Variants in JAKMIP3 observed in about 807,000 individuals in gnomAD.
The protein encoded by JAKMIP3 is janus kinase and microtubule-interacting protein 3.
JAKMIP3 carries 58 observed loss-of-function variants against 118.5 expected under a neutral mutation model. The observed-to-expected ratio is 0.49, with a 90% CI of 0.40 to 0.61. The LOEUF is 0.61. Among genes scored for constraint, JAKMIP3 ranks in the 20% least tolerant of loss-of-function variants. The pLI, the probability that JAKMIP3 is intolerant of heterozygous loss-of-function variation, is 0.00. For missense variants in JAKMIP3, 950 were observed against 1,109.0 expected (o/e 0.86, Z 2.04); for synonymous variants, 486 against 451.2 (o/e 1.08, Z -0.98).
In JAKMIP3 at chr10:132,044,245, GAC is replaced by G. The variant is rs2037843751; in HGVS notation, c.-138+7510_-138+7511del. On this transcript the variant is annotated intron_variant, in intron 1 of 23. Coordinates refer to the JAKMIP3 transcript ENST00000657785. This position sits in a 1 kb window ranked among gnomAD's most constrained non-coding sequence, Gnocchi z 5.3. ...CAGTGCCCTTAGCAAACATTTCCTA[GAC>G]ACGTCTCCTGGTCCAGGCATCGTGG... 6.6e-6 allele frequency among the ~76,000 whole-genome samples: 1 copy of G among 152,190 alleles called. No homozygotes were observed. Among genetic ancestry groups the G allele is most frequent in the Non-Finnish European group, 1.5e-5 (1 of 68,038 alleles).
At chr10:132,172,443 T>C (rs942716706) in intron 23 of JAKMIP3, among the ~76,000 whole-genome samples, 9 of 152,178 alleles carry the variant, frequency 5.9e-5, no homozygotes, top group Middle Eastern at 3.4e-3. Flanking sequence ...TCTGTGAACG[T>C]TGCCCCGATC....
chr10:132,137,982 G>A (rs12414486), intron 8 of JAKMIP3, 137 bp from the exon 9 acceptor site: 67,136 of 711,624 alleles, frequency 0.094, 5,119 homozygotes, highest in East Asian at 0.28. Flanking sequence ...AGGGCCTCCC[G>A]CTGTGGTGTG....
intron 1 of JAKMIP3, among the ~76,000 whole-genome samples, chr10:132,078,631 G>C (rs911618315): frequency 1.4e-5 from 2 of 147,792 alleles, no homozygotes; most frequent in African/African-American, 2.6e-5. Context: ...GGGGGGGGGG[G>C]GGGTCCCGTT....
At position 132,180,538 on chromosome 10, in the gene JAKMIP3, T is replaced by TGTGC. The variant is rs1554962718; in HGVS notation, c.*1104-1816_*1104-1815insCGTG. Reference sequence around the variant, plus strand: ...GGAAGCAGAACTGTGTGTGTGTGTGTGTGTGTGCGTGCGTGCATGCGTGTG... The same window carrying TGTGC: ...GGAAGCAGAACTGTGTGTGTGTGTGTGTGCGTGTGTGCGTGCGTGCATGCGTGTG... On this transcript the variant is annotated intron_variant, in intron 23 of 23. Coordinates refer to ENST00000684848, the MANE Select transcript of JAKMIP3 (RefSeq NM_001323087.2). 2.2e-3 allele frequency among the ~76,000 whole-genome samples: 59 copies of TGTGC among 27,224 alleles called. 13 individuals carry two copies. The highest frequency in any genetic ancestry group is 0.01 in the African/African-American group (49 of 4,842). The allele number at this position is 27,224 out of a possible 152,430, so 17.9% of individuals were successfully genotyped here.
rs767446488 is a variant in JAKMIP3 at position 132,117,315 on chromosome 10, A to T, written c.374A>T (p.Asp125Val). The change falls in exon 3 of 24, where the codon GAT (aspartate) becomes GTT (valine). Residue 125 changes from aspartate to valine, a missense_variant. Transcript: ENST00000684848. This position sits in a 1 kb window ranked among gnomAD's most constrained non-coding sequence, Gnocchi z 8.6. ...CAGGCACTGCTCAGTGCCCTGCGTGATGGCGGCCCCGAAAAGGTCAAGACC... is the reference window on the plus strand; with the variant it reads ...CAGGCACTGCTCAGTGCCCTGCGTGTTGGCGGCCCCGAAAAGGTCAAGACC... ...RLQALLSALRDGGPEKVKTVL... is the reference protein window; with the variant it reads ...RLQALLSALRVGGPEKVKTVL... 9 of 1,613,874 alleles carry T rather than the reference A, an allele frequency of 5.6e-6. No homozygotes were observed. Among genetic ancestry groups the T allele is most frequent in the Non-Finnish European group, 7.6e-6 (9 of 1,179,904 alleles).
At position 132,117,866 on chromosome 10, in the gene JAKMIP3, T is replaced by C. The variant is rs1299388138; in HGVS notation, c.633+292T>C. On this transcript the variant is annotated intron_variant, in intron 3 of 23. Coordinates refer to ENST00000684848, the MANE Select transcript of JAKMIP3 (RefSeq NM_001323087.2). This position sits in a 1 kb window ranked among gnomAD's most constrained non-coding sequence, Gnocchi z 8.6. ...CCACAAACACCAGCTCTACTTCCTTTCTTAACTTGGGCCACAGCAAGAAAC... is the reference window on the plus strand; with the variant it reads ...CCACAAACACCAGCTCTACTTCCTTCCTTAACTTGGGCCACAGCAAGAAAC... Among the ~76,000 whole-genome samples the C allele has an allele frequency of 2.0e-5, 3 of 152,122 alleles. No homozygotes were observed. The highest frequency in any genetic ancestry group is 4.4e-5 in the Non-Finnish European group (3 of 68,018).
Position 132,117,160 on chromosome 10 carries a change from G to A in JAKMIP3, c.219G>A (p.Thr73=), listed in dbSNP as rs764944954. Residue 73 remains threonine (T), a synonymous_variant, in exon 3 of 24, where the codon ACG becomes ACA. Transcript: ENST00000684848. The surrounding 1 kb of genome is among the most constrained non-coding windows in gnomAD (Gnocchi z 8.6). ...HEQHKTAVLL[T]ELKTKLHEEK... ...AGCATAAGACCGCGGTCTTGCTCAC[G>A]GAGCTCAAGACAAAGCTGCACGAGG... 32 of 1,613,716 alleles carry A rather than the reference G, an allele frequency of 2.0e-5. No homozygotes were observed. The highest frequency in any genetic ancestry group is 8.0e-5 in the African/African-American group (6 of 74,944).
chr10:132,127,715 G>C (rs1329358208), intron 3 of JAKMIP3, among the ~76,000 whole-genome samples: 1 of 151,372 alleles, frequency 6.6e-6, no homozygotes, highest in East Asian at 1.9e-4. Context: ...TCTACTCCTT[G>C]CCTTGGATGG....
At chr10:132,165,011 G>T (rs1431629753) in intron 21 of JAKMIP3, among the ~76,000 whole-genome samples, 1 of 152,162 alleles carries the variant, frequency 6.6e-6, no homozygotes, top group Admixed American at 6.5e-5. Context: ...CCGCAGAGGA[G>T]CCACTCCTCT....
intron 11 of JAKMIP3, 67 bp from the exon 12 acceptor site, chr10:132,145,040 C>T (rs1214474984): frequency 1.6e-5 from 21 of 1,347,386 alleles, no homozygotes; most frequent in East Asian, 4.8e-5. Flanking sequence ...TGACGTCCCA[C>T]GAGTGTGTGT....
Position 132,140,496 on chromosome 10 carries a change from C to T in JAKMIP3, c.1390C>T (p.Leu464=). ...CTTTGGATACGACGAAGAGGCTTCC[C>T]TGGAATCCGACGGCTCCTCCGTCTC... The part of the protein sequence containing the change: ...TFFGYDEEAS[L]ESDGSSVSYQ... Residue 464 remains leucine (L), a synonymous_variant, in exon 10 of 24, where the codon CTG becomes TTG. Transcript: ENST00000684848. 1 of 1,613,870 alleles carries T rather than the reference C, an allele frequency of 6.2e-7. No homozygotes were observed.
chr10:132,168,289 G>A lies in JAKMIP3; in HGVS notation c.*359G>A. On this transcript the variant is annotated 3_prime_UTR_variant, in exon 23 of 24. Coordinates refer to ENST00000684848, the MANE Select transcript of JAKMIP3 (RefSeq NM_001323087.2). ...CCAAGCAGGGGTGAGAACTGCTTCT[G>A]TGCAGAAGCACCAGCCGCGGGTCCC... is the stretch of plus-strand genomic sequence containing the variant. 1.6e-6 allele frequency: 2 copies of A among 1,289,528 alleles called. No individual in the cohort carries two copies. Among genetic ancestry groups the A allele is most frequent in the Non-Finnish European group, 2.0e-6 (2 of 988,830 alleles). 79.9% of individuals were successfully genotyped at this position (1,289,528 alleles called of 1,614,324 possible).
intron 16 of JAKMIP3, among the ~76,000 whole-genome samples, chr10:132,151,021 C>T (rs2056088419): frequency 6.6e-6 from 1 of 152,028 alleles, no homozygotes; most frequent in Admixed American, 6.6e-5. Flanking sequence ...CACCATCCTC[C>T]ATCCATTCCT....
intron 19 of JAKMIP3, among the ~76,000 whole-genome samples, chr10:132,160,878 C>T (rs1449306001): frequency 6.0e-5 from 1 of 16,542 alleles, no homozygotes; most frequent in Non-Finnish European, 9.4e-5. Context: ...GGGGGCCTCT[C>T]CCTGTGTGAT....
At chr10:132,123,802 G>A (rs894983884) in intron 3 of JAKMIP3, among the ~76,000 whole-genome samples, 2 of 152,212 alleles carry the variant, frequency 1.3e-5, no homozygotes, top group South Asian at 2.1e-4. Flanking sequence ...GCCACCCACA[G>A]CCAGATGCAG....
chr10:132,138,741 C>T (rs1430434022), intron 9 of JAKMIP3, among the ~76,000 whole-genome samples: 1 of 152,086 alleles, frequency 6.6e-6, no homozygotes, highest in African/African-American at 2.4e-5. Flanking sequence ...GTGTAGGGTC[C>T]GAGTCCCCAC....
intron 23 of JAKMIP3, among the ~76,000 whole-genome samples, chr10:132,172,566 T>C (rs917654539): frequency 7.9e-5 from 12 of 151,944 alleles, no homozygotes; most frequent in Non-Finnish European, 1.2e-4. Context: ...CCTGCCCCTT[T>C]TCTCCTATTT....
chr10:132,180,760 C>CGCGTGTGTGCGT (rs1470573937), intron 23 of JAKMIP3, among the ~76,000 whole-genome samples: 1 of 14,736 alleles, frequency 6.8e-5, no homozygotes, highest in Non-Finnish European at 1.1e-4. Flanking sequence ...CGCGTGTGTG[C>CGCGTGTGTGCGT]GTGTGTGTGC....
rs1315490629 is a variant in JAKMIP3 at position 132,088,655 on chromosome 10, G to A, written c.-137-16017G>A. On this transcript the variant is annotated intron_variant, in intron 1 of 23. Transcript: ENST00000684848. ...GCAAAAATTTTCTCCCATTCTGTGGGTTGCCAGTTCACTCTGATGGTAGTT... is the reference window on the plus strand; with the variant it reads ...GCAAAAATTTTCTCCCATTCTGTGGATTGCCAGTTCACTCTGATGGTAGTT... 3.3e-5 allele frequency among the ~76,000 whole-genome samples: 5 copies of A among 152,260 alleles called. No homozygotes were observed. The Middle Eastern group carries it at 0.01, about 311-fold the overall frequency.
Sources: allele counts gnomAD v4.1 joint callset (sites outside exome capture counted in the v4.1 genomes callset), GRCh38; gene constraint gnomAD v4.1.1; non-coding constraint Gnocchi (gnomAD v3.1); transcripts MANE v1.5; gene names NCBI Gene and HGNC (gene_info 2026-07-23, HGNC 2026-07-21).